EPB41L3: variants seen among roughly 807,000 people sequenced by gnomAD.
EPB41L3 encodes the protein erythrocyte membrane protein band 4.1 like 3.
EPB41L3 carries 57 observed loss-of-function variants against 127.1 expected under a neutral mutation model. That is an observed-to-expected ratio of 0.45 (90% CI 0.36 to 0.56). The LOEUF is 0.56. EPB41L3 is among the 20% of genes least tolerant of loss of function. The pLI, the probability that EPB41L3 is intolerant of heterozygous loss-of-function variation, is 0.00. For synonymous variants in EPB41L3, 572 were observed against 549.5 expected (o/e 1.04, Z -0.57); for missense variants, 1,273 against 1,372.2 (o/e 0.93, Z 1.14).
At chr18:5,594,280 C>T (rs1449884034) in intron 3 of EPB41L3, among the ~76,000 whole-genome samples, 3 of 152,158 alleles carry the variant, frequency 2.0e-5, no homozygotes, top group Admixed American at 6.5e-5. Context: ...TCCCTCCATT[C>T]GGGGTCCCTG....
intron 1 of EPB41L3, among the ~76,000 whole-genome samples, chr18:5,536,679 G>A (rs2093583056): frequency 6.6e-6 from 1 of 151,776 alleles, no homozygotes; most frequent in Non-Finnish European, 1.5e-5. Context: ...GGGCAGGGTG[G>A]CGGTTGCCTA....
intron 3 of EPB41L3, among the ~76,000 whole-genome samples, chr18:5,566,787 C>A (rs2094210761): frequency 7.1e-6 from 1 of 141,586 alleles, no homozygotes; most frequent in African/African-American, 2.7e-5. Context: ...CTATTCTATT[C>A]TATTCCATTC....
At chr18:5,501,402 C>T (rs2091736388) in intron 1 of EPB41L3, among the ~76,000 whole-genome samples, 1 of 152,148 alleles carries the variant, frequency 6.6e-6, no homozygotes, top group African/African-American at 2.4e-5. Context: ...ACCCCTAAAG[C>T]CCCTTGGCTG....
intron 3 of EPB41L3, among the ~76,000 whole-genome samples, chr18:5,604,372 A>G (rs986381769): frequency 3.9e-5 from 6 of 151,998 alleles, no homozygotes; most frequent in Admixed American, 2.6e-4. Context: ...CTGCTTTTAG[A>G]GTTGGAAGCC....
At chr18:5,511,564 C>T (rs938662245) in intron 1 of EPB41L3, among the ~76,000 whole-genome samples, 1 of 151,954 alleles carries the variant, frequency 6.6e-6, no homozygotes, top group Non-Finnish European at 1.5e-5. Context: ...TTTCACAATA[C>T]CAAACTGAAG....
intron 1 of EPB41L3, among the ~76,000 whole-genome samples, chr18:5,505,624 G>C (rs1450225119): frequency 3.5e-4 from 15 of 43,052 alleles, no homozygotes; most frequent in Non-Finnish European, 4.0e-4. Context: ...CACCTCTATG[G>C]TCCACACCTT....
intron 3 of EPB41L3, among the ~76,000 whole-genome samples, chr18:5,564,057 A>G (rs949115394): frequency 6.6e-6 from 1 of 152,170 alleles, no homozygotes; most frequent in African/African-American, 2.4e-5. Context: ...AGATCTAACT[A>G]AGTCTTGTAC....
chr18:5,464,317 C>T (rs2084575497), intron 3 of EPB41L3, among the ~76,000 whole-genome samples: 1 of 152,084 alleles, frequency 6.6e-6, no homozygotes. Flanking sequence ...ACCTGCTTAC[C>T]CATTATGCAC....
chr18:5,441,384 A>C (rs2080700385), intron 5 of EPB41L3, among the ~76,000 whole-genome samples: 1 of 152,172 alleles, frequency 6.6e-6, no homozygotes, highest in African/African-American at 2.4e-5. Flanking sequence ...GCCTTGGTTG[A>C]ATGTAAAATT....
chr18:5,566,742 C>CCA lies in EPB41L3; in HGVS notation c.-306+45597_-306+45598insTG, dbSNP rs2094206105. Among the ~76,000 whole-genome samples, 3 of 126,730 alleles carry CCA rather than the reference C, an allele frequency of 2.4e-5. No homozygotes were observed. The East Asian group carries it at 7.1e-4, about 30-fold the overall frequency. The allele number at this position is 126,730 out of a possible 152,430, so 83.1% of individuals were successfully genotyped here. ...CTATTCCATTCTATTCTATTCTATTCTATTCTATTCTATTCTATTCTATTC... is the reference window on the plus strand; with the variant it reads ...CTATTCCATTCTATTCTATTCTATTCCATATTCTATTCTATTCTATTCTATTC... On this transcript the variant is annotated intron_variant, in intron 3 of 21. Transcript: ENST00000545076.
At position 5,445,159 on chromosome 18, in the gene EPB41L3, C is replaced by T. The variant is rs141362076; in HGVS notation, c.467G>A (p.Arg156Gln). 273 of 1,613,934 alleles carry T rather than the reference C, an allele frequency of 1.7e-4. 1 individual carries two copies. In the African/African-American group the frequency reaches 3.2e-3, roughly 19 times the overall value. ...LEKDYFGLTYRDAENQKNWLD... is the reference protein window; with the variant it reads ...LEKDYFGLTYQDAENQKNWLD... ...ACTCACCTTCTGGTTTTCAGCATCTCGATACGTAAGCCCAAAGTAGTCTTT... is the reference window on the plus strand; with the variant it reads ...ACTCACCTTCTGGTTTTCAGCATCTTGATACGTAAGCCCAAAGTAGTCTTT... The change falls in exon 4 of 23, where the codon CGA becomes CAA. Residue 156 changes from arginine (R) to glutamine (Q), a missense_variant. Coordinates refer to ENST00000341928, the MANE Select transcript of EPB41L3 (RefSeq NM_012307.5).
chr18:5,442,188 C>G (rs759142121), intron 5 of EPB41L3, among the ~76,000 whole-genome samples: 1 of 152,100 alleles, frequency 6.6e-6, no homozygotes, highest in Non-Finnish European at 1.5e-5. Context: ...CTTTAATACT[C>G]CTTAGAAAAA....
intron 1 of EPB41L3, among the ~76,000 whole-genome samples, chr18:5,529,928 A>ATGTGTGTGTGTG (rs10611279): frequency 0.021 from 3,066 of 146,844 alleles, 53 homozygotes; most frequent in East Asian, 0.075. Flanking sequence ...CAACTCATAT[A>ATGTGTGTGTGTG]TGTGTGTGTG....
At chr18:5,599,454 A>C (rs939691490) in intron 3 of EPB41L3, among the ~76,000 whole-genome samples, 3 of 152,108 alleles carry the variant, frequency 2.0e-5, no homozygotes, top group African/African-American at 7.2e-5. Flanking sequence ...GATATGGTTT[A>C]GATCTGTGTC....
chr18:5,480,355 CT>C (rs2088192470), intron 2 of EPB41L3, among the ~76,000 whole-genome samples: 1 of 152,148 alleles, frequency 6.6e-6, no homozygotes, highest in South Asian at 2.1e-4. Context: ...ATGATGCGTT[CT>C]AATTTTAAAT....
chr18:5,416,512 T>A lies in EPB41L3; in HGVS notation c.1507-134A>T, dbSNP rs1040026288. ...TAAAACAAAAATTTTAGCACTAGGG[T>A]TGCTCATGAATGTTAAAGTATTCAA... On this transcript the variant is annotated intron_variant, in intron 12 of 22. Transcript: ENST00000341928. 5 of 895,298 alleles carry A rather than the reference T, an allele frequency of 5.6e-6. No homozygotes were observed. In the African/African-American group the frequency reaches 8.4e-5, roughly 15 times the overall value. The allele number at this position is 895,298 out of a possible 1,614,324, so 55.5% of individuals were successfully genotyped here.
chr18:5,474,745 C>T (rs1831173822), intron 3 of EPB41L3, among the ~76,000 whole-genome samples: 1 of 152,054 alleles, frequency 6.6e-6, no homozygotes, highest in African/African-American at 2.4e-5. Flanking sequence ...GGAAACAATT[C>T]CACCTCTTTC....
At chr18:5,599,130 T>C (rs1382200074) in intron 3 of EPB41L3, among the ~76,000 whole-genome samples, 2 of 152,228 alleles carry the variant, frequency 1.3e-5, no homozygotes, top group Non-Finnish European at 1.5e-5. Flanking sequence ...ATAAATCATT[T>C]GATTTTTCCA....
At chr18:5,626,020 A>G (rs1326241339) in intron 1 of EPB41L3, among the ~76,000 whole-genome samples, 1 of 151,726 alleles carries the variant, frequency 6.6e-6, no homozygotes, top group Admixed American at 6.6e-5. Flanking sequence ...ATCGCACCCA[A>G]TCAGCCCCAA....
Sources: gnomAD v4.1 joint callset for allele counts (sites outside exome capture counted in the v4.1 genomes callset) on GRCh38, gnomAD v4.1.1 for gene constraint, MANE v1.5 for transcripts, NCBI Gene and HGNC (gene_info 2026-07-23, HGNC 2026-07-21) for gene names.